LAMA2: variants seen among roughly 807,000 people sequenced by gnomAD.
LAMA2 encodes the protein laminin subunit alpha 2, also known as laminin subunit alpha-2.
LAMA2 carries 269 observed loss-of-function variants against 364.8 expected under a neutral mutation model. The observed-to-expected ratio is 0.74, with a 90% CI of 0.67 to 0.82. The LOEUF is 0.82. Among genes scored for constraint, LAMA2 ranks in the 40% least tolerant of loss-of-function variants. LAMA2 has a pLI of 0.00. For synonymous variants in LAMA2, 1,379 were observed against 1,370.6 expected (o/e 1.01, Z -0.14); for missense variants, 3,807 against 3,873.2 (o/e 0.98, Z 0.45).
chr6:129,363,034 T>C (rs1777555889), intron 32 of LAMA2, among the ~76,000 whole-genome samples: 1 of 152,192 alleles, frequency 6.6e-6, no homozygotes, highest in African/African-American at 2.4e-5. Flanking sequence ...ATTTTTAAAA[T>C]ACAGTGGTTC....
chr6:128,901,545 T>C (rs1258706818), intron 1 of LAMA2, among the ~76,000 whole-genome samples: 1 of 152,204 alleles, frequency 6.6e-6, no homozygotes, highest in East Asian at 1.9e-4. Flanking sequence ...TGAAACCTTC[T>C]AGATGCCAGA....
intron 1 of LAMA2, among the ~76,000 whole-genome samples, chr6:128,907,367 G>T (rs1582645422): frequency 6.7e-6 from 1 of 149,314 alleles, no homozygotes; most frequent in Non-Finnish European, 1.5e-5. Flanking sequence ...TTGTAAGTTG[G>T]ATTCCTAGGT....
At chr6:129,171,875 T>C (rs1780181522) in intron 9 of LAMA2, among the ~76,000 whole-genome samples, 1 of 104,962 alleles carries the variant, frequency 9.5e-6, no homozygotes, top group Non-Finnish European at 1.9e-5. Flanking sequence ...TGCTCATTTC[T>C]TTTTATTCTT....
intron 14 of LAMA2, among the ~76,000 whole-genome samples, chr6:129,257,631 A>G (rs1786795443): frequency 6.6e-6 from 1 of 152,046 alleles, no homozygotes; most frequent in Non-Finnish European, 1.5e-5. Context: ...AATTGTGGTG[A>G]TCTATTGTAT....
At chr6:129,326,484 G>T (rs1332017476) in intron 28 of LAMA2, among the ~76,000 whole-genome samples, 1 of 151,850 alleles carries the variant, frequency 6.6e-6, no homozygotes, top group Non-Finnish European at 1.5e-5. Context: ...ATTACTTCTT[G>T]TGTTTCTTTT....
chr6:129,384,678 G>A (rs1363207321), intron 35 of LAMA2, among the ~76,000 whole-genome samples: 1 of 152,068 alleles, frequency 6.6e-6, no homozygotes, highest in Non-Finnish European at 1.5e-5. Context: ...ACCAACAGGG[G>A]TAGACTGGAG....
Position 129,502,719 on chromosome 6 carries a change from T to G in LAMA2, c.8305T>G (p.Ser2769Ala). 1 of 1,614,064 alleles carries G rather than the reference T, an allele frequency of 6.2e-7. No homozygotes were observed. Among genetic ancestry groups the G allele is most frequent in the Non-Finnish European group, 8.5e-7 (1 of 1,179,946 alleles). Reference sequence around the variant, plus strand: ...GATAGGGAGCAAGCAGTTCGGGCTTTCAAGAAACAGTCACATTGCAATTGC... The same window carrying G: ...GATAGGGAGCAAGCAGTTCGGGCTTGCAAGAAACAGTCACATTGCAATTGC... ...LLIGSKQFGL[S>A]RNSHIAIAFD... Residue 2769 changes from serine (S) to alanine (A), a missense_variant, in exon 59 of 65, where the codon TCA (serine) becomes GCA (alanine). By Grantham distance (99) the Ser-to-Ala change is moderately conservative. Coordinates refer to ENST00000421865, the MANE Select transcript of LAMA2 (RefSeq NM_000426.4).
chr6:129,039,416 A>T (rs9388679), intron 1 of LAMA2, among the ~76,000 whole-genome samples: 73,436 of 152,140 alleles, frequency 0.48, 20,726 homozygotes, highest in East Asian at 0.81. Context: ...ATAGCAACAG[A>T]TGAGTTCAGA....
chr6:128,979,047 A>T (rs1279926972), intron 1 of LAMA2, among the ~76,000 whole-genome samples: 1 of 152,198 alleles, frequency 6.6e-6, no homozygotes, highest in African/African-American at 2.4e-5. Context: ...TTGGTGCATT[A>T]TACTCATTAA....
chr6:129,281,109 T>C (rs568860557), intron 18 of LAMA2, among the ~76,000 whole-genome samples: 1 of 152,062 alleles, frequency 6.6e-6, no homozygotes, highest in East Asian at 1.9e-4. Context: ...CAGCAACAAG[T>C]ACTATTTGTG....
At chr6:128,892,093 A>G (rs1031144923) in intron 1 of LAMA2, among the ~76,000 whole-genome samples, 2 of 152,090 alleles carry the variant, frequency 1.3e-5, no homozygotes, top group African/African-American at 4.8e-5. Flanking sequence ...TTTTATGAGC[A>G]TAAAACTAAA....
intron 1 of LAMA2, among the ~76,000 whole-genome samples, chr6:128,930,572 A>G (rs557839169): frequency 6.6e-6 from 1 of 152,242 alleles, no homozygotes; most frequent in Admixed American, 6.5e-5. Flanking sequence ...TGGGCCCAAA[A>G]TGTACACGGA....
chr6:128,976,299 G>A (rs1445894039), intron 1 of LAMA2, among the ~76,000 whole-genome samples: 1 of 152,102 alleles, frequency 6.6e-6, no homozygotes, highest in East Asian at 1.9e-4. Flanking sequence ...CCCACTTTTT[G>A]TTTTGTTTTT....
chr6:129,423,227 T>C (rs924234403), intron 40 of LAMA2, among the ~76,000 whole-genome samples: 4 of 151,934 alleles, frequency 2.6e-5, no homozygotes, highest in Non-Finnish European at 5.9e-5. Context: ...ACAGCTAAAA[T>C]CATACTTAGC....
rs150729573 is a variant in LAMA2, at chr6:129,513,572, A to T, written c.8989-801A>T. ...TTTCACCTATTTACTTGCATTTTTA[A>T]TCTTTCTTCTTAAGACTTCATTTCT... On this transcript the variant is annotated intron_variant, in intron 63 of 64. Coordinates refer to ENST00000421865, the MANE Select transcript of LAMA2 (RefSeq NM_000426.4). Among the ~76,000 whole-genome samples the T allele has an allele frequency of 1.9e-3, 291 of 152,310 alleles. 13 individuals are homozygous for T. The East Asian group carries it at 0.048, about 25-fold the overall frequency.
intron 30 of LAMA2, among the ~76,000 whole-genome samples, chr6:129,344,501 T>G (rs551535422): frequency 6.6e-6 from 1 of 152,260 alleles, no homozygotes; most frequent in South Asian, 2.1e-4. Context: ...AGGTTCAGAT[T>G]GATAGAACAT....
At chr6:129,109,969 CA>C (rs1209714905) in intron 4 of LAMA2, among the ~76,000 whole-genome samples, 1 of 151,686 alleles carries the variant, frequency 6.6e-6, no homozygotes, top group South Asian at 2.1e-4. Context: ...AGTTTTGATC[CA>C]AAAAAACTTC....
chr6:129,496,171 TTGTC>T (rs1247521020), intron 58 of LAMA2, among the ~76,000 whole-genome samples: 3 of 152,076 alleles, frequency 2.0e-5, no homozygotes, highest in African/African-American at 7.2e-5. Flanking sequence ...GTTTGTTTGT[TTGTC>T]TGTTTTTTGA....
intron 1 of LAMA2, among the ~76,000 whole-genome samples, chr6:128,904,247 A>C (rs1399853992): frequency 6.6e-6 from 1 of 152,058 alleles, no homozygotes; most frequent in Non-Finnish European, 1.5e-5. Context: ...CTACAGTCTT[A>C]CTTTTAGCTT....
Sources: allele counts gnomAD v4.1 joint callset (sites outside exome capture counted in the v4.1 genomes callset), GRCh38; gene constraint gnomAD v4.1.1; transcripts MANE v1.5; gene names NCBI Gene and HGNC (gene_info 2026-07-23, HGNC 2026-07-21).